Variants in NTM observed in about 807,000 individuals in gnomAD.
NTM encodes IgLON family member 2.
In NTM, 13 loss-of-function variants were observed where a neutral mutation model predicts 42.1. That is an observed-to-expected ratio of 0.31 (90% CI 0.20 to 0.49). The LOEUF is 0.49. NTM is among the 20% of genes least tolerant of loss of function. The probability of loss-of-function intolerance (pLI) is 0.99; values close to 1 mark genes in which losing one functional copy is unlikely to be tolerated. For missense variants in NTM, 373 were observed against 452.8 expected (o/e 0.82, Z 1.60); for synonymous variants, 187 against 179.2 (o/e 1.04, Z -0.35).
intron 2 of NTM, among the ~76,000 whole-genome samples, chr11:132,102,990 C>T (rs1183859983): frequency 6.6e-6 from 1 of 152,188 alleles, no homozygotes; most frequent in Non-Finnish European, 1.5e-5. Flanking sequence ...CTGGAAAGGC[C>T]ACAGGTTCCT....
chr11:131,397,173 T>C (rs1944657765), intron 1 of NTM, among the ~76,000 whole-genome samples: 1 of 152,216 alleles, frequency 6.6e-6, no homozygotes, highest in African/African-American at 2.4e-5. Context: ...ACAAAACATT[T>C]TTAATTCATT....
chr11:131,814,916 T>G (rs1227421421), intron 1 of NTM, among the ~76,000 whole-genome samples: 1 of 152,026 alleles, frequency 6.6e-6, no homozygotes, highest in East Asian at 1.9e-4. Context: ...CCTATATATC[T>G]CTCCAAACCC....
At chr11:131,762,700 T>G (rs1313097172) in intron 1 of NTM, among the ~76,000 whole-genome samples, 1 of 152,212 alleles carries the variant, frequency 6.6e-6, no homozygotes, top group Non-Finnish European at 1.5e-5. Flanking sequence ...GGAGTCAATT[T>G]GTTCTCCCCA....
At chr11:131,482,985 T>C (rs1177191117) in intron 1 of NTM, among the ~76,000 whole-genome samples, 4 of 152,212 alleles carry the variant, frequency 2.6e-5, no homozygotes, top group Non-Finnish European at 5.9e-5. Flanking sequence ...GAAGTCTAGC[T>C]GATGGTTATC....
intron 1 of NTM, among the ~76,000 whole-genome samples, chr11:131,580,342 G>A (rs565831679): frequency 1.4e-4 from 22 of 152,088 alleles, no homozygotes; most frequent in Non-Finnish European, 2.8e-4. Context: ...GCCACATTAC[G>A]GTATATGGCT....
chr11:132,066,155 T>C (rs1315977464), intron 2 of NTM, among the ~76,000 whole-genome samples: 1 of 152,206 alleles, frequency 6.6e-6, no homozygotes, highest in Non-Finnish European at 1.5e-5. Flanking sequence ...TTCCAACCCT[T>C]TTCAGCACCA....
chr11:131,371,180 C>A, intron 1 of NTM: 1 of 771,022 alleles, frequency 1.3e-6, no homozygotes, highest in Non-Finnish European at 1.6e-6. Context: ...CACATTCTTG[C>A]ACACATACAC....
chr11:132,178,795 A>T (rs1483203143), intron 3 of NTM, among the ~76,000 whole-genome samples: 1 of 152,216 alleles, frequency 6.6e-6, no homozygotes, highest in Non-Finnish European at 1.5e-5. Flanking sequence ...ATTAGTGTAG[A>T]TATAGGTTAT....
chr11:132,277,564 A>T (rs553213522), intron 4 of NTM, among the ~76,000 whole-genome samples: 1 of 152,340 alleles, frequency 6.6e-6, no homozygotes, highest in South Asian at 2.1e-4. Context: ...GTTCTCAAAA[A>T]ATAAGAATTT....
At chr11:131,982,624 A>AG (rs984993066) in intron 2 of NTM, among the ~76,000 whole-genome samples, 8 of 151,926 alleles carry the variant, frequency 5.3e-5, no homozygotes, top group South Asian at 2.1e-4. Context: ...ATAAAATGAA[A>AG]GGGGGGGCAG....
At chr11:131,784,224 A>C (rs1047290299) in intron 1 of NTM, among the ~76,000 whole-genome samples, 2 of 152,214 alleles carry the variant, frequency 1.3e-5, no homozygotes, top group African/African-American at 4.8e-5. Flanking sequence ...TTGGAAAATA[A>C]TTTGGTGGTT....
At chr11:132,302,756 G>T (rs887990868) in intron 4 of NTM, among the ~76,000 whole-genome samples, 2 of 152,186 alleles carry the variant, frequency 1.3e-5, no homozygotes, top group Non-Finnish European at 2.9e-5. Context: ...GATTACAGTT[G>T]CAGGAGCAGT....
chr11:131,423,723 G>T lies in NTM; in HGVS notation c.82+52835G>T, dbSNP rs75926819. On this transcript the variant is annotated intron_variant, in intron 1 of 8. Transcript: ENST00000683400. ...GCTTTCTGATGTCAACTCAGAATCC[G>T]CAAAAGAGGCAGGCTGCCTGGAGGT... Among the ~76,000 whole-genome samples, 109 of 152,256 alleles carry T rather than the reference G, an allele frequency of 7.2e-4. 1 individual carries two copies. The highest frequency in any genetic ancestry group is 6.8e-3 in the Middle Eastern group (2 of 292).
chr11:131,924,575 T>C (rs1031337477), intron 2 of NTM, among the ~76,000 whole-genome samples: 1 of 152,168 alleles, frequency 6.6e-6, no homozygotes, highest in African/African-American at 2.4e-5. Context: ...ACATCCCCTG[T>C]GAAATTCTTT....
rs116155053 is a variant in NTM at position 131,410,622 on chromosome 11, T to G, written c.82+39734T>G. Reference sequence around the variant, plus strand: ...TTCCTGGGACACTTCCCTGATTTCTTGCGTCAATCTTTTTTTGTAATTATG... The same window carrying G: ...TTCCTGGGACACTTCCCTGATTTCTGGCGTCAATCTTTTTTTGTAATTATG... On this transcript the variant is annotated intron_variant, in intron 1 of 8. Coordinates refer to ENST00000683400, the MANE Select transcript of NTM (RefSeq NM_001352005.2). Among the ~76,000 whole-genome samples the G allele has an allele frequency of 6.4e-3, 976 of 152,172 alleles. 9 individuals are homozygous for G. Among genetic ancestry groups the G allele is most frequent in the African/African-American group, 0.022 (896 of 41,526 alleles).
At chr11:131,865,393 G>A (rs956885691) in intron 1 of NTM, among the ~76,000 whole-genome samples, 1 of 152,204 alleles carries the variant, frequency 6.6e-6, no homozygotes, top group Non-Finnish European at 1.5e-5. Flanking sequence ...CCCTGAATGT[G>A]TTGTATTTAT....
intron 1 of NTM, among the ~76,000 whole-genome samples, chr11:131,571,106 G>T (rs1014243220): frequency 4.6e-5 from 7 of 152,220 alleles, no homozygotes; most frequent in East Asian, 1.9e-4. Flanking sequence ...TCAAATTATT[G>T]ATTTGAAATG....
chr11:131,587,387 G>T (rs3133335), intron 1 of NTM, among the ~76,000 whole-genome samples: 28,914 of 151,504 alleles, frequency 0.19, 4,630 homozygotes, highest in African/African-American at 0.44. Context: ...GGTGGAGCTT[G>T]CAGTGAGCAG....
At chr11:132,126,740 GAGA>G (rs1171344863) in intron 2 of NTM, among the ~76,000 whole-genome samples, 3 of 152,180 alleles carry the variant, frequency 2.0e-5, no homozygotes, top group African/African-American at 4.8e-5. Flanking sequence ...AGAGGGAAGC[GAGA>G]AGGAGGGAAG....
Sources: gnomAD v4.1 joint callset for allele counts (sites outside exome capture counted in the v4.1 genomes callset) on GRCh38, gnomAD v4.1.1 for gene constraint, MANE v1.5 for transcripts, NCBI Gene and HGNC (gene_info 2026-07-23, HGNC 2026-07-21) for gene names.